Variants in DROSHA observed in about 807,000 individuals in gnomAD.
The protein encoded by DROSHA is ribonuclease 3.
DROSHA carries 56 observed loss-of-function variants against 181.9 expected under a neutral mutation model. That is an observed-to-expected ratio of 0.31 (90% CI 0.25 to 0.38). The LOEUF is 0.38. Ranked by LOEUF, DROSHA falls within the 10% of genes least tolerant of loss-of-function variation. The pLI, the probability that DROSHA is intolerant of heterozygous loss-of-function variation, is 1.00. For missense variants in DROSHA, 1,218 were observed against 1,743.5 expected (o/e 0.70, Z 5.37); for synonymous variants, 524 against 591.2 (o/e 0.89, Z 1.65).
chr5:31,485,355 T>C (rs748084891), intron 14 of DROSHA, among the ~76,000 whole-genome samples: 1 of 108,292 alleles, frequency 9.2e-6, no homozygotes, highest in Non-Finnish European at 1.7e-5. Context: ...TCCAGCATAA[T>C]TGTCATGGAG....
At chr5:31,497,352 G>T (rs1294400513) in intron 11 of DROSHA, among the ~76,000 whole-genome samples, 1 of 152,176 alleles carries the variant, frequency 6.6e-6, no homozygotes, top group Non-Finnish European at 1.5e-5. Context: ...ACAATCCCAG[G>T]ATCCTTCAGG....
chr5:31,407,109 G>A, intron 33 of DROSHA, 164 bp from the exon 34 acceptor site: 1 of 436,898 alleles, frequency 2.3e-6, no homozygotes, highest in Non-Finnish European at 4.0e-6. Context: ...TTTTTGATTT[G>A]CTAATCCGAC....
rs532020327 is a variant in DROSHA, at chr5:31,446,551, CTA to C, written c.2882+1994_2882+1995del. ...ATGTGTAAAATGTATACTCTGAAAA[CTA>C]TAAAACATTATTGAAAAAATTTAAA... On this transcript the variant is annotated intron_variant, in intron 23 of 35. Transcript: ENST00000344624. 3.1e-3 allele frequency among the ~76,000 whole-genome samples: 456 copies of C among 146,128 alleles called. 2 individuals carry two copies. Among genetic ancestry groups the C allele is most frequent in the African/African-American group, 0.011 (427 of 39,790 alleles).
intron 6 of DROSHA, among the ~76,000 whole-genome samples, chr5:31,518,504 C>A (rs1179313844): frequency 6.6e-6 from 1 of 152,186 alleles, no homozygotes; most frequent in East Asian, 1.9e-4. Context: ...TTTGTCTTTG[C>A]ATTACATTTT....
Position 31,409,956 on chromosome 5 carries a change from T to C in DROSHA, c.3668-624A>G, listed in dbSNP as rs1741105085. Reference sequence around the variant, plus strand: ...GCATTTTCAAAAGAAGGAATAAAAATAGCTTTCATTGAGCTAAAAAAAAAA... The same window carrying C: ...GCATTTTCAAAAGAAGGAATAAAAACAGCTTTCATTGAGCTAAAAAAAAAA... On this transcript the variant is annotated intron_variant, in intron 31 of 35. Coordinates refer to ENST00000344624, the MANE Select transcript of DROSHA (RefSeq NM_001382508.1). The surrounding 1 kb of genome is among the most constrained non-coding windows in gnomAD (Gnocchi z 4.0). 7.0e-6 allele frequency among the ~76,000 whole-genome samples: 1 copy of C among 141,890 alleles called. No homozygotes were observed. The highest frequency in any genetic ancestry group is 2.3e-4 in the South Asian group (1 of 4,404). 93.1% of individuals were successfully genotyped at this position (141,890 alleles called of 152,430 possible). A position where few individuals can be genotyped will look rare whatever the true frequency, so the allele number is the denominator to read the frequency against.
rs747469735 is a variant in DROSHA, at chr5:31,437,304, A to G, written c.2883-6T>C. ...ACCGTTCATTGTGGTTAATCCTACA[A>G]TAGGAATTAAAAAGGTTACTTAATA... On this transcript the variant is annotated splice_region_variant and splice_polypyrimidine_tract_variant and intron_variant, in intron 23 of 35. Coordinates refer to ENST00000344624, the MANE Select transcript of DROSHA (RefSeq NM_001382508.1). 7.0e-6 allele frequency: 11 copies of G among 1,565,560 alleles called. No individual in the cohort carries two copies. In the Admixed American group the frequency reaches 2.1e-4, roughly 29 times the overall value.
intron 16 of DROSHA, among the ~76,000 whole-genome samples, chr5:31,475,309 C>A (rs148345330): frequency 1.4e-3 from 212 of 152,268 alleles, no homozygotes; most frequent in African/African-American, 4.8e-3. Context: ...CAAAGTAAGA[C>A]CCTGTCTCAA....
chr5:31,515,875 A>G lies in DROSHA; in HGVS notation c.948-311T>C, dbSNP rs368884218. On this transcript the variant is annotated intron_variant, in intron 6 of 35. Transcript: ENST00000344624. ...ATTAATATTAACTCAGTCAATAAAGAAAGATGAAAAAACAACTCCATCTCC... is the reference window on the plus strand; with the variant it reads ...ATTAATATTAACTCAGTCAATAAAGGAAGATGAAAAAACAACTCCATCTCC... Among the ~76,000 whole-genome samples the G allele has an allele frequency of 1.6e-4, 25 of 152,268 alleles. No homozygotes were observed. In the South Asian group the frequency reaches 5.2e-3, roughly 32 times the overall value.
chr5:31,492,641 A>C (rs1245715319), intron 13 of DROSHA, among the ~76,000 whole-genome samples: 1 of 152,244 alleles, frequency 6.6e-6, no homozygotes, highest in Non-Finnish European at 1.5e-5. Context: ...GACTGTGAGC[A>C]TGGAGATGGA....
chr5:31,457,260 A>T (rs1168288500), intron 20 of DROSHA, among the ~76,000 whole-genome samples: 1 of 150,220 alleles, frequency 6.7e-6, no homozygotes, highest in Non-Finnish European at 1.5e-5. Context: ...GGTAGCTGGG[A>T]CTACAGGCAC....
chr5:31,510,063 A>AAAAG lies in DROSHA; in HGVS notation c.1432+971_1432+972insCTTT, dbSNP rs1554045123. ...TTTACCACAATTTGAAAAAAAAAAA[A>AAAAG]AACAGACCTAGAAGTTAGATTAATC... On this transcript the variant is annotated intron_variant, in intron 9 of 35. Transcript: ENST00000344624. 6.4e-4 allele frequency among the ~76,000 whole-genome samples: 90 copies of AAAAG among 139,916 alleles called. 2 individuals are homozygous for AAAAG. The highest frequency in any genetic ancestry group is 9.5e-4 in the Non-Finnish European group (59 of 61,928). The allele number at this position is 139,916 out of a possible 152,430, so 91.8% of individuals were successfully genotyped here. A position where few individuals can be genotyped will look rare whatever the true frequency, so the allele number is the denominator to read the frequency against.
chr5:31,491,050 T>G (rs1233952344), intron 13 of DROSHA, among the ~76,000 whole-genome samples: 5 of 152,190 alleles, frequency 3.3e-5, no homozygotes, highest in African/African-American at 1.2e-4. Context: ...TGTTTTCTAC[T>G]CACTTTTGCT....
At chr5:31,424,571 G>T in intron 27 of DROSHA, 100 bp from the exon 28 acceptor site, 1 of 1,377,408 alleles carries the variant, frequency 7.3e-7, no homozygotes, top group South Asian at 1.4e-5. Flanking sequence ...AACTATTTCA[G>T]ACACTGACTC....
Position 31,526,339 on chromosome 5 carries a change from G to C in DROSHA, c.594C>G (p.Asn198Lys), listed in dbSNP as rs769567702. ...NPSSFLPSAN[N>K]SSSPHFRHLP... is the part of the protein sequence containing the mutation. ...GATGTCTGAAATGAGGACTACTGCT[G>C]TTATTAGCACTGGGCAGGAAAGAAC... The change falls in exon 5 of 36, where the codon AAC becomes AAG. Residue 198 changes from asparagine to lysine, a missense_variant. Coordinates refer to ENST00000344624, the MANE Select transcript of DROSHA (RefSeq NM_001382508.1). 1.2e-6 allele frequency: 2 copies of C among 1,613,838 alleles called. No individual in the cohort carries two copies. Among genetic ancestry groups the C allele is most frequent in the African/African-American group, 1.3e-5 (1 of 74,974 alleles).
chr5:31,421,896 T>TAAA, intron 29 of DROSHA: 1 of 29,490 alleles, frequency 3.4e-5, no homozygotes, highest in African/African-American at 2.8e-4. Context: ...AAAAAAAAAA[T>TAAA]ATATATATAT....
At chr5:31,487,859 A>G (rs1751960918) in intron 13 of DROSHA, among the ~76,000 whole-genome samples, 1 of 152,176 alleles carries the variant, frequency 6.6e-6, no homozygotes, top group African/African-American at 2.4e-5. Flanking sequence ...AAAATATTTA[A>G]GAGTTACAAA....
In DROSHA at chr5:31,526,146, T is replaced by C. The variant is rs778176813; in HGVS notation, c.787A>G (p.Ser263Gly). 10 of 1,613,752 alleles carry C rather than the reference T, an allele frequency of 6.2e-6. No individual in the cohort carries two copies. The highest frequency in any genetic ancestry group is 1.7e-5 in the Admixed American group (1 of 60,004). ...CGGTCATAATCAGATCTGTACCGGC[T>C]GTCTTGTCTTCTCCTGTCGGGACTG... Reference protein sequence around the residue: ...GRSPDRRRQDSRYRSDYDRGR... With the variant: ...GRSPDRRRQDGRYRSDYDRGR... Residue 263 changes from serine to glycine, a missense_variant, in exon 5 of 36, where the codon AGC becomes GGC. This residue lies in a region of DROSHA where 536 missense variants were observed against 535.4 expected (regional missense o/e 1.00). Coordinates refer to ENST00000344624, the MANE Select transcript of DROSHA (RefSeq NM_001382508.1).
rs763782597 is a variant in DROSHA at position 31,526,917 on chromosome 5, A to G, written c.21-5T>C. The stretch of plus-strand genomic sequence containing the variant: ...GGGTGGAACGACATTCTGTGACTTC[A>G]TGGCAGAAAAGAAAAAGGGAAAAGT... On this transcript the variant is annotated splice_region_variant and splice_polypyrimidine_tract_variant and intron_variant, in intron 4 of 35. Coordinates refer to ENST00000344624, the MANE Select transcript of DROSHA (RefSeq NM_001382508.1). 3.1e-6 allele frequency: 5 copies of G among 1,605,220 alleles called. No individual in the cohort carries two copies. The highest frequency in any genetic ancestry group is 1.1e-5 in the South Asian group (1 of 89,728).
intron 6 of DROSHA, among the ~76,000 whole-genome samples, chr5:31,517,874 TG>T (rs957240480): frequency 6.6e-6 from 1 of 152,048 alleles, no homozygotes; most frequent in African/African-American, 2.4e-5. Context: ...AAGACGAACC[TG>T]GGCAACATAG....
Sources: allele counts gnomAD v4.1 joint callset (sites outside exome capture counted in the v4.1 genomes callset), GRCh38; gene constraint gnomAD v4.1.1; regional missense constraint gnomAD v4.1.1; non-coding constraint Gnocchi (gnomAD v3.1); transcripts MANE v1.5; gene names NCBI Gene and HGNC (gene_info 2026-07-23, HGNC 2026-07-21).